The following ZNF131 variants were observed in gnomAD, a reference collection of about 807,000 sequenced individuals.
ZNF131 encodes the protein zinc finger protein 131.
In ZNF131, 7 loss-of-function variants were observed where a neutral mutation model predicts 60.0. The ratio of observed to expected loss-of-function variants is 0.12; its 90% CI spans 0.07 to 0.22. ZNF131 has a LOEUF of 0.22. ZNF131 is among the 10% of genes least tolerant of loss of function. The pLI is 1.00. For missense variants in ZNF131, 493 were observed against 740.9 expected (o/e 0.67, Z 3.88); for synonymous variants, 257 against 253.2 (o/e 1.01, Z -0.14).
chr5:43,131,282 C>T (rs997285282), intron 3 of ZNF131, among the ~76,000 whole-genome samples: 55 of 152,228 alleles, frequency 3.6e-4, no homozygotes, highest in African/African-American at 1.3e-3. Context: ...AAGCGATTGT[C>T]CTGCCTCAGC....
intron 5 of ZNF131, among the ~76,000 whole-genome samples, chr5:43,171,064 C>T (rs1198526967): frequency 2.0e-5 from 3 of 151,888 alleles, no homozygotes; most frequent in East Asian, 3.9e-4. Context: ...CGTACCTCAG[C>T]CTCCCAAGTA....
rs183425033 is a variant in ZNF131 at position 43,132,728 on chromosome 5, G to A, written c.227-6437G>A. The stretch of plus-strand genomic sequence containing the variant: ...GCGTTTCACCATGTTGGCCAGGGTG[G>A]TCTCGAACTCCTGACCTCAAGTAAT... On this transcript the variant is annotated intron_variant, in intron 3 of 6. Coordinates refer to ENST00000682664, the MANE Select transcript of ZNF131 (RefSeq NM_001330707.2). Among the ~76,000 whole-genome samples, 8 of 152,158 alleles carry A rather than the reference G, an allele frequency of 5.3e-5. No homozygotes were observed. The East Asian group carries it at 1.5e-3, about 29-fold the overall frequency.
At chr5:43,149,316 C>T (rs35018789) in intron 4 of ZNF131, among the ~76,000 whole-genome samples, 14,782 of 151,240 alleles carry the variant, frequency 0.098, 859 homozygotes, top group East Asian at 0.19. Flanking sequence ...GCACTTTGGG[C>T]GGCCAAGGCG....
intron 5 of ZNF131, among the ~76,000 whole-genome samples, chr5:43,166,297 T>C (rs1750336859): frequency 6.6e-6 from 1 of 152,206 alleles, no homozygotes; most frequent in Admixed American, 6.5e-5. Context: ...TCTCGACTTT[T>C]GATATGCCTT....
chr5:43,144,791 A>G (rs1312453619), intron 4 of ZNF131, among the ~76,000 whole-genome samples: 1 of 151,984 alleles, frequency 6.6e-6, no homozygotes, highest in Non-Finnish European at 1.5e-5. Context: ...AAGCTCTTAA[A>G]ACAATATCTG....
At chr5:43,128,122 C>T (rs1180068894) in intron 3 of ZNF131, among the ~76,000 whole-genome samples, 2 of 152,200 alleles carry the variant, frequency 1.3e-5, no homozygotes, top group African/African-American at 2.4e-5. Context: ...TTCAGTTGTT[C>T]ACTTTAACAT....
chr5:43,147,304 C>A (rs1747721201), intron 4 of ZNF131, among the ~76,000 whole-genome samples: 1 of 151,972 alleles, frequency 6.6e-6, no homozygotes, highest in South Asian at 2.1e-4. Flanking sequence ...GCTTTCATTT[C>A]TCTTAGTAAA....
At chr5:43,162,237 G>A (rs1248884077) in intron 5 of ZNF131, among the ~76,000 whole-genome samples, 1 of 152,154 alleles carries the variant, frequency 6.6e-6, no homozygotes, top group African/African-American at 2.4e-5. Context: ...ATCTTATAGT[G>A]AGACTTTACC....
At chr5:43,136,635 T>C (rs1374060313) in intron 3 of ZNF131, among the ~76,000 whole-genome samples, 1 of 147,144 alleles carries the variant, frequency 6.8e-6, no homozygotes, top group African/African-American at 2.5e-5. Context: ...TTTTCTTTTT[T>C]TCTTTTTTCT....
In ZNF131 at chr5:43,175,532, A is replaced by G; in HGVS notation, c.*399A>G. On this transcript the variant is annotated 3_prime_UTR_variant, in exon 7 of 7. Coordinates refer to ENST00000682664, the MANE Select transcript of ZNF131 (RefSeq NM_001330707.2). The stretch of plus-strand genomic sequence containing the variant: ...TTAGAATACAAGTTTATGTATTCTA[A>G]TGCATGTTAGAAAATTGAATAATAT... The G allele has an allele frequency of 1.5e-6, 1 of 684,570 alleles. No individual in the cohort carries two copies. The highest frequency in any genetic ancestry group is 2.6e-6 in the Non-Finnish European group (1 of 379,928). The allele number at this position is 684,570 out of a possible 1,614,324, so 42.4% of individuals were successfully genotyped here.
chr5:43,157,248 A>C (rs553492818), intron 4 of ZNF131, among the ~76,000 whole-genome samples: 2 of 152,318 alleles, frequency 1.3e-5, no homozygotes, highest in Admixed American at 1.3e-4. Context: ...CGGAGCCCAA[A>C]GCTGGCCCAG....
At chr5:43,155,116 T>A (rs2111818265) in intron 4 of ZNF131, among the ~76,000 whole-genome samples, 1 of 152,286 alleles carries the variant, frequency 6.6e-6, no homozygotes, top group South Asian at 2.1e-4. Flanking sequence ...CATCAGTTAA[T>A]TAAGGGCTCC....
intron 4 of ZNF131, among the ~76,000 whole-genome samples, chr5:43,153,463 TAAAAAAAAA>T (rs35596507): frequency 5.1e-4 from 31 of 61,178 alleles, no homozygotes; most frequent in Admixed American, 6.4e-4. Flanking sequence ...CCATCTCTAC[TAAAAAAAAA>T]AAAAAAAAAA....
At chr5:43,126,738 C>G (rs535099933) in intron 3 of ZNF131, among the ~76,000 whole-genome samples, 1 of 152,262 alleles carries the variant, frequency 6.6e-6, no homozygotes, top group South Asian at 2.1e-4. Flanking sequence ...GTTCTTTTGT[C>G]AGAAGAACTC....
At chr5:43,141,063 A>G (rs1220654260) in intron 4 of ZNF131, among the ~76,000 whole-genome samples, 4 of 152,170 alleles carry the variant, frequency 2.6e-5, no homozygotes, top group Non-Finnish European at 5.9e-5. Flanking sequence ...GATAACTCTA[A>G]GAATACTGAA....
At chr5:43,174,177 G>A (rs372351713) in intron 6 of ZNF131, among the ~76,000 whole-genome samples, 22 of 152,318 alleles carry the variant, frequency 1.4e-4, no homozygotes, top group Non-Finnish European at 1.3e-4. Context: ...GCAGTGAGCC[G>A]AGATCGCACC....
intron 3 of ZNF131, among the ~76,000 whole-genome samples, chr5:43,130,263 C>CAAAAAAAAAAAA (rs765959932): frequency 1.4e-3 from 47 of 33,142 alleles, no homozygotes; most frequent in South Asian, 5.1e-3. Context: ...GACTCTGTCT[C>CAAAAAAAAAAAA]CAAAAAAAAA....
intron 3 of ZNF131, among the ~76,000 whole-genome samples, chr5:43,137,412 TTAAAA>T (rs1267533131): frequency 6.6e-6 from 1 of 151,966 alleles, no homozygotes; most frequent in Non-Finnish European, 1.5e-5. Flanking sequence ...AAAAATTAAA[TTAAAA>T]ATGTTTTTTT....
chr5:43,164,122 G>A (rs1052318881), intron 5 of ZNF131, among the ~76,000 whole-genome samples: 1 of 152,194 alleles, frequency 6.6e-6, no homozygotes, highest in South Asian at 2.1e-4. Context: ...TATATATACA[G>A]TCTACTTTTG....
Sources: allele counts gnomAD v4.1 joint callset (sites outside exome capture counted in the v4.1 genomes callset), GRCh38; gene constraint gnomAD v4.1.1; transcripts MANE v1.5; gene names NCBI Gene and HGNC (gene_info 2026-07-23, HGNC 2026-07-21).